The following FAT3 variants were observed in gnomAD, a reference collection of about 807,000 sequenced individuals.
The protein encoded by FAT3 is FAT atypical cadherin 3.
A neutral mutation model predicts 310.2 loss-of-function variants in FAT3; 95 were observed. That is an observed-to-expected ratio of 0.31 (90% CI 0.26 to 0.36). The LOEUF is 0.36. Among genes scored for constraint, FAT3 ranks in the 10% least tolerant of loss-of-function variants. The pLI, the probability that FAT3 is intolerant of heterozygous loss-of-function variation, is 1.00. For synonymous variants in FAT3, 2,314 were observed against 2,192.9 expected (o/e 1.06, Z -1.54); for missense variants, 5,408 against 5,715.6 (o/e 0.95, Z 1.74).
chr11:92,849,198 C>G (rs906390002), intron 19 of FAT3, among the ~76,000 whole-genome samples: 2 of 152,186 alleles, frequency 1.3e-5, no homozygotes, highest in African/African-American at 4.8e-5. Context: ...CAGGATTCAT[C>G]CTTGACTCTC....
At chr11:92,386,911 C>G (rs745565494) in intron 2 of FAT3, among the ~76,000 whole-genome samples, 2 of 152,198 alleles carry the variant, frequency 1.3e-5, no homozygotes, top group Non-Finnish European at 2.9e-5. Flanking sequence ...TTCAACAATG[C>G]TTACTGAGTG....
chr11:92,689,848 TC>T (rs1266181791), intron 3 of FAT3, among the ~76,000 whole-genome samples: 1 of 152,190 alleles, frequency 6.6e-6, no homozygotes, highest in East Asian at 1.9e-4. Context: ...TACAAGATCA[TC>T]TTCACTACTC....
At chr11:92,518,154 C>G (rs1202013187) in intron 2 of FAT3, among the ~76,000 whole-genome samples, 1 of 151,964 alleles carries the variant, frequency 6.6e-6, no homozygotes, top group African/African-American at 2.4e-5. Flanking sequence ...CCCAGCAATC[C>G]CATTACTGTG....
In FAT3 at chr11:92,840,622, C is replaced by G. The variant is rs1450105106; in HGVS notation, c.10429C>G (p.His3477Asp). The G allele has an allele frequency of 6.2e-7, 1 of 1,611,822 alleles. No homozygotes were observed. The highest frequency in any genetic ancestry group is 1.1e-5 in the South Asian group (1 of 90,982). The change falls in exon 18 of 28, where the codon CAC becomes GAC. Residue 3477 changes from histidine to aspartate, a missense_variant. His to Asp is a moderately conservative substitution (Grantham distance 81). Transcript: ENST00000525166. ...QLVVTDRDSF[H>D]NGPPFSFSIL... ...GGTGGTGACAGACAGAGACTCCTTT[C>G]ACAATGGGCCTCCCTTTTCATTCTC...
intron 1 of FAT3, among the ~76,000 whole-genome samples, chr11:92,280,499 G>A (rs1362261679): frequency 1.3e-5 from 2 of 152,166 alleles, no homozygotes; most frequent in African/African-American, 4.8e-5. Context: ...TCCTGCTTAA[G>A]GTAATTTTTT....
intron 4 of FAT3, among the ~76,000 whole-genome samples, chr11:92,748,395 G>A (rs1945735804): frequency 6.6e-6 from 1 of 152,124 alleles, no homozygotes. Flanking sequence ...TTTGGGTGGG[G>A]ATAAAGCCAA....
chr11:92,461,793 G>A (rs937921589), intron 2 of FAT3, among the ~76,000 whole-genome samples: 1 of 152,100 alleles, frequency 6.6e-6, no homozygotes, highest in Non-Finnish European at 1.5e-5. Context: ...TTCAAATAGG[G>A]GAATGACGGT....
chr11:92,705,501 ATGG>A (rs1944267518), intron 4 of FAT3, among the ~76,000 whole-genome samples: 2 of 9,782 alleles, frequency 2.0e-4, no homozygotes, highest in Non-Finnish European at 4.1e-4. Flanking sequence ...GGTGGTGGTG[ATGG>A]TGGTGGTGTG....
At chr11:92,506,021 G>A (rs1416911670) in intron 2 of FAT3, among the ~76,000 whole-genome samples, 1 of 152,074 alleles carries the variant, frequency 6.6e-6, no homozygotes, top group African/African-American at 2.4e-5. Flanking sequence ...CCTCAGAAAG[G>A]CAGGACAGCA....
At chr11:92,492,250 T>C (rs964270874) in intron 2 of FAT3, among the ~76,000 whole-genome samples, 1 of 128,468 alleles carries the variant, frequency 7.8e-6, no homozygotes, top group African/African-American at 4.5e-5. Flanking sequence ...TTTCCATCCA[T>C]CCATCCATCC....
At chr11:92,462,014 G>A (rs1951650082) in intron 2 of FAT3, among the ~76,000 whole-genome samples, 1 of 152,112 alleles carries the variant, frequency 6.6e-6, no homozygotes, top group Admixed American at 6.6e-5. Context: ...GGGAGTCTTA[G>A]GATCAGAATC....
At chr11:92,300,308 C>T (rs1403751725) in intron 1 of FAT3, among the ~76,000 whole-genome samples, 1 of 152,122 alleles carries the variant, frequency 6.6e-6, no homozygotes, top group Non-Finnish European at 1.5e-5. Flanking sequence ...AGGTCACTTT[C>T]ATGGGCTGTT....
intron 2 of FAT3, among the ~76,000 whole-genome samples, chr11:92,395,217 G>C (rs1949839927): frequency 6.6e-6 from 1 of 152,008 alleles, no homozygotes; most frequent in African/African-American, 2.4e-5. Flanking sequence ...CTGTAATGCT[G>C]AACGACTTGA....
At chr11:92,412,746 A>T (rs10765550) in intron 2 of FAT3, among the ~76,000 whole-genome samples, 6,070 of 17,344 alleles carry the variant, frequency 0.35, 1,782 homozygotes, top group South Asian at 0.44. Flanking sequence ...TATATATATA[A>T]ATATACATAC....
rs780444554 is a variant in FAT3, at chr11:92,835,013, C to G, written c.10015C>G (p.Pro3339Ala). The G allele has an allele frequency of 3.1e-6, 5 of 1,613,724 alleles. No individual in the cohort carries two copies. The Admixed American group carries it at 6.7e-5, about 22-fold the overall frequency. The change falls in exon 15 of 28, where the codon CCC becomes GCC. Residue 3339 changes from proline (P) to alanine (A), a missense_variant. Transcript: ENST00000525166. ...INLTDVNDNP[P>A]KFSQDVYSAV... Reference sequence around the variant, plus strand: ...CCTCACAGATGTTAATGACAACCCTCCCAAGTTCAGCCAAGACGTCTACAG... The same window carrying G: ...CCTCACAGATGTTAATGACAACCCTGCCAAGTTCAGCCAAGACGTCTACAG...
At chr11:92,645,702 C>T (rs186584494) in intron 3 of FAT3, among the ~76,000 whole-genome samples, 2 of 152,244 alleles carry the variant, frequency 1.3e-5, no homozygotes, top group Non-Finnish European at 2.9e-5. Context: ...GAAATGCAGC[C>T]TTCATTAGTC....
intron 2 of FAT3, among the ~76,000 whole-genome samples, chr11:92,398,284 T>C (rs186245543): frequency 7.9e-4 from 120 of 152,164 alleles, no homozygotes; most frequent in African/African-American, 2.8e-3. Context: ...GTGGATCACC[T>C]GAGGTCAGGA....
At chr11:92,769,499 T>C (rs1364802537) in intron 6 of FAT3, among the ~76,000 whole-genome samples, 2 of 152,214 alleles carry the variant, frequency 1.3e-5, no homozygotes, top group African/African-American at 4.8e-5. Context: ...AGTCCCTGTA[T>C]CTTTATTCTG....
At chr11:92,621,772 A>T (rs1309263120) in intron 3 of FAT3, among the ~76,000 whole-genome samples, 1 of 152,214 alleles carries the variant, frequency 6.6e-6, no homozygotes, top group African/African-American at 2.4e-5. Flanking sequence ...TAAGAATGGC[A>T]TTAAAATTGT....
Sources: gnomAD v4.1 joint callset for allele counts (sites outside exome capture counted in the v4.1 genomes callset) on GRCh38, gnomAD v4.1.1 for gene constraint, MANE v1.5 for transcripts, NCBI Gene and HGNC (gene_info 2026-07-23, HGNC 2026-07-21) for gene names.